GALNTL6: variants seen among roughly 807,000 people sequenced by gnomAD.
GALNTL6 encodes polypeptide N-acetylgalactosaminyltransferase like 6.
GALNTL6 carries 46 observed loss-of-function variants against 73.7 expected under a neutral mutation model. The ratio of observed to expected loss-of-function variants is 0.62; its 90% confidence interval spans 0.49 to 0.80. The LOEUF is 0.80. Among genes scored for constraint, GALNTL6 ranks in the 30% least tolerant of loss-of-function variants. The probability of loss-of-function intolerance (pLI) is 0.00; values close to 1 mark genes in which losing one functional copy is unlikely to be tolerated. For missense variants in GALNTL6, 604 were observed against 755.0 expected (o/e 0.80, Z 2.34); for synonymous variants, 259 against 263.7 (o/e 0.98, Z 0.17).
chr4:171,877,052 T>C (rs750569556), intron 2 of GALNTL6, among the ~76,000 whole-genome samples: 12 of 152,160 alleles, frequency 7.9e-5, no homozygotes, highest in African/African-American at 1.7e-4. Flanking sequence ...AGGCTGAGAA[T>C]GTTTATTGGC....
At chr4:172,971,236 G>A (rs754330592) in intron 10 of GALNTL6, among the ~76,000 whole-genome samples, 7 of 152,202 alleles carry the variant, frequency 4.6e-5, no homozygotes, top group Non-Finnish European at 4.4e-5. Flanking sequence ...CCAGAACCAT[G>A]AGCCAAATAA....
intron 2 of GALNTL6, among the ~76,000 whole-genome samples, chr4:172,031,551 GAGTT>G (rs1741771956): frequency 6.6e-6 from 1 of 152,042 alleles, no homozygotes; most frequent in Non-Finnish European, 1.5e-5. Flanking sequence ...CTAAAACACT[GAGTT>G]AGTCTGAGGT....
chr4:172,652,630 A>T (rs1170821880), intron 5 of GALNTL6, among the ~76,000 whole-genome samples: 1 of 152,222 alleles, frequency 6.6e-6, no homozygotes, highest in Non-Finnish European at 1.5e-5. Flanking sequence ...AATTTTAATG[A>T]CAGGAATGAA....
chr4:172,012,984 A>C (rs1579058081), intron 2 of GALNTL6, among the ~76,000 whole-genome samples: 1 of 151,854 alleles, frequency 6.6e-6, no homozygotes, highest in South Asian at 2.1e-4. Flanking sequence ...ACTCCTAGCA[A>C]TTACTGATTG....
chr4:172,715,401 AG>A (rs1735010526), intron 5 of GALNTL6, among the ~76,000 whole-genome samples: 2 of 152,350 alleles, frequency 1.3e-5, no homozygotes, highest in South Asian at 4.1e-4. Context: ...GAGAAAGGCC[AG>A]CATAAAAGAG....
chr4:171,963,902 A>G lies in GALNTL6; in HGVS notation c.138+149184A>G, dbSNP rs573091458. On this transcript the variant is annotated intron_variant, in intron 2 of 12. Coordinates refer to ENST00000506823, the MANE Select transcript of GALNTL6 (RefSeq NM_001034845.3). ...CTTTTTATGGACTATTTTATTGAAG[A>G]TGTTTTATAGAAAAGAGTCTTGGAA... is the stretch of plus-strand genomic sequence containing the variant. Among the ~76,000 whole-genome samples the G allele has an allele frequency of 3.4e-4, 52 of 152,294 alleles. No individual in the cohort carries two copies. In the South Asian group the frequency reaches 0.01, roughly 30 times the overall value.
intron 5 of GALNTL6, among the ~76,000 whole-genome samples, chr4:172,795,371 T>A (rs1209094207): frequency 6.6e-6 from 1 of 152,092 alleles, no homozygotes; most frequent in African/African-American, 2.4e-5. Flanking sequence ...GAGAGGTGCT[T>A]ATGGGCTTAT....
At chr4:172,914,327 G>C (rs977739802) in intron 8 of GALNTL6, among the ~76,000 whole-genome samples, 4 of 152,218 alleles carry the variant, frequency 2.6e-5, no homozygotes, top group Non-Finnish European at 4.4e-5. Context: ...ATGCTAGATA[G>C]AAATTGCGTC....
intron 2 of GALNTL6, among the ~76,000 whole-genome samples, chr4:172,043,515 CG>C (rs1560897849): frequency 6.6e-6 from 1 of 151,940 alleles, no homozygotes; most frequent in Non-Finnish European, 1.5e-5. Flanking sequence ...CACACATGTG[CG>C]TGTGCATATA....
chr4:171,850,262 A>T, intron 2 of GALNTL6, among the ~76,000 whole-genome samples: 1 of 152,158 alleles, frequency 6.6e-6, no homozygotes. Context: ...TTAACATTTA[A>T]ATGTATTACA....
intron 6 of GALNTL6, among the ~76,000 whole-genome samples, chr4:172,812,529 G>A (rs1489284406): frequency 6.6e-6 from 1 of 151,924 alleles, no homozygotes; most frequent in Non-Finnish European, 1.5e-5. Context: ...ACCAAAGGAT[G>A]CAAATGCCAG....
chr4:171,931,723 G>T (rs1578983504), intron 2 of GALNTL6, among the ~76,000 whole-genome samples: 1 of 152,256 alleles, frequency 6.6e-6, no homozygotes, highest in South Asian at 2.1e-4. Flanking sequence ...TGATAGTTAA[G>T]AGGATGAAAA....
chr4:172,006,038 T>G (rs763579640), intron 2 of GALNTL6, among the ~76,000 whole-genome samples: 8 of 152,198 alleles, frequency 5.3e-5, no homozygotes, highest in Non-Finnish European at 1.0e-4. Flanking sequence ...GAGAATCTAG[T>G]TCCTCCAGCT....
chr4:172,259,385 G>A (rs1002926820), intron 3 of GALNTL6, among the ~76,000 whole-genome samples: 4 of 149,884 alleles, frequency 2.7e-5, no homozygotes, highest in East Asian at 2.0e-4. Flanking sequence ...TATGTTTGTC[G>A]GCCATTCGTA....
intron 2 of GALNTL6, among the ~76,000 whole-genome samples, chr4:172,047,662 A>G (rs1310475507): frequency 6.6e-6 from 1 of 152,146 alleles, no homozygotes; most frequent in African/African-American, 2.4e-5. Flanking sequence ...TAGTGGAGAA[A>G]AAGATTTATC....
At chr4:172,847,677 A>G (rs1743585844) in intron 7 of GALNTL6, among the ~76,000 whole-genome samples, 1 of 152,204 alleles carries the variant, frequency 6.6e-6, no homozygotes, top group South Asian at 2.1e-4. Flanking sequence ...TGGGTGAGCA[A>G]ATGAGACATT....
At chr4:172,102,290 TC>T (rs1732541549) in intron 2 of GALNTL6, among the ~76,000 whole-genome samples, 1 of 152,228 alleles carries the variant, frequency 6.6e-6, no homozygotes, top group South Asian at 2.1e-4. Flanking sequence ...CTCTCTTATT[TC>T]TTACCCAGAT....
intron 5 of GALNTL6, among the ~76,000 whole-genome samples, chr4:172,375,118 A>G (rs1424892647): frequency 6.6e-6 from 1 of 152,146 alleles, no homozygotes; most frequent in African/African-American, 2.4e-5. Context: ...AAGGGGAGCT[A>G]TAGGGATGCT....
intron 5 of GALNTL6, among the ~76,000 whole-genome samples, chr4:172,733,028 A>C (rs972066560): frequency 6.6e-6 from 1 of 152,180 alleles, no homozygotes; most frequent in Non-Finnish European, 1.5e-5. Context: ...GAATACTCTG[A>C]GTTTGTTCAT....
Sources: gnomAD v4.1 joint callset for allele counts (sites outside exome capture counted in the v4.1 genomes callset) on GRCh38, gnomAD v4.1.1 for gene constraint, MANE v1.5 for transcripts, NCBI Gene and HGNC (gene_info 2026-07-23, HGNC 2026-07-21) for gene names.